Variants in PSD3 observed in about 807,000 individuals in gnomAD.
PSD3 encodes PH and SEC7 domain-containing protein 3.
A neutral mutation model predicts 105.5 loss-of-function variants in PSD3; 49 were observed. The ratio of observed to expected loss-of-function variants is 0.46; its 90% CI spans 0.37 to 0.59. PSD3 has a LOEUF of 0.59. Ranked by LOEUF, PSD3 falls within the 20% of genes least tolerant of loss-of-function variation. The pLI is 0.00. For missense variants in PSD3, 1,561 were observed against 1,263.8 expected, an observed-to-expected ratio of 1.24 and a Z score of -3.57; for synonymous variants, 557 against 457.8, an observed-to-expected ratio of 1.22 and a Z score of -2.77.
chr8:18,628,390 C>CT (rs113009967), intron 11 of PSD3, among the ~76,000 whole-genome samples: 16,510 of 151,812 alleles, frequency 0.11, 1,354 homozygotes, highest in African/African-American at 0.23. Context: ...TGATAGGAGA[C>CT]TTTTTTTGTC....
At chr8:18,885,381 C>T (rs1818389192) in intron 2 of PSD3, among the ~76,000 whole-genome samples, 1 of 152,156 alleles carries the variant, frequency 6.6e-6, no homozygotes. Context: ...CTAAAATTAA[C>T]ACATATATGG....
chr8:18,811,085 AG>A (rs1811642081), intron 4 of PSD3, among the ~76,000 whole-genome samples: 1 of 152,216 alleles, frequency 6.6e-6, no homozygotes, highest in African/African-American at 2.4e-5. Context: ...TATTCAGAAG[AG>A]CCATAGCACC....
intron 12 of PSD3, among the ~76,000 whole-genome samples, chr8:18,584,561 G>T (rs2130439673): frequency 6.6e-6 from 1 of 152,344 alleles, no homozygotes; most frequent in East Asian, 1.9e-4. Flanking sequence ...TCAGATGGAA[G>T]AAGTAACCTA....
chr8:18,846,739 C>A (rs529813267), intron 4 of PSD3, among the ~76,000 whole-genome samples: 1 of 152,292 alleles, frequency 6.6e-6, no homozygotes. Context: ...GCAAAACCGA[C>A]TGGTCTCAAC....
At chr8:18,603,102 T>G (rs1443703232) in intron 11 of PSD3, among the ~76,000 whole-genome samples, 1 of 152,182 alleles carries the variant, frequency 6.6e-6, no homozygotes, top group African/African-American at 2.4e-5. Context: ...GTATCTTCCG[T>G]GAGAAAGTGT....
intron 1 of PSD3, among the ~76,000 whole-genome samples, chr8:19,077,580 CAG>C (rs1563548355): frequency 6.6e-6 from 1 of 152,144 alleles, no homozygotes; most frequent in Admixed American, 6.5e-5. Flanking sequence ...GAAACACTTG[CAG>C]AGAGTTGTCA....
chr8:18,721,900 A>AC (rs1233779080), intron 9 of PSD3, among the ~76,000 whole-genome samples: 1 of 152,184 alleles, frequency 6.6e-6, no homozygotes, highest in Non-Finnish European at 1.5e-5. Flanking sequence ...ATGGCTGCAC[A>AC]CATATTGTTC....
intron 4 of PSD3, among the ~76,000 whole-genome samples, chr8:18,810,926 T>C (rs1811630558): frequency 6.6e-6 from 1 of 152,062 alleles, no homozygotes; most frequent in South Asian, 2.1e-4. Flanking sequence ...AAGTACACCA[T>C]CAGCAAAAAA....
chr8:18,784,300 G>T (rs1019498880), intron 8 of PSD3, among the ~76,000 whole-genome samples: 1 of 151,776 alleles, frequency 6.6e-6, no homozygotes, highest in African/African-American at 2.4e-5. Context: ...TCTGTCCATT[G>T]TTCTTTCACG....
intron 9 of PSD3, among the ~76,000 whole-genome samples, chr8:18,702,682 G>C (rs1005304767): frequency 1.3e-5 from 2 of 151,250 alleles, no homozygotes; most frequent in Non-Finnish European, 2.9e-5. Context: ...GTGTGATCTC[G>C]GTTCCCTGCA....
intron 8 of PSD3, among the ~76,000 whole-genome samples, chr8:18,784,935 G>A (rs1365095918): frequency 6.6e-6 from 1 of 152,172 alleles, no homozygotes; most frequent in Non-Finnish European, 1.5e-5. Context: ...GCTCCCTGGA[G>A]GTGGGGTGTG....
intron 8 of PSD3, among the ~76,000 whole-genome samples, chr8:18,796,819 T>C (rs10503635): frequency 0.72 from 109,949 of 152,118 alleles, 41,166 homozygotes; most frequent in Non-Finnish European, 0.82. Flanking sequence ...GATTAGTGTA[T>C]TCCCCATGAA....
chr8:18,752,603 TATATAATAC>T (rs1475204161), intron 9 of PSD3, among the ~76,000 whole-genome samples: 1,146 of 87,036 alleles, frequency 0.013, 18 homozygotes, highest in Middle Eastern at 0.024. Context: ...TTATATATTA[TATATAATAC>T]ATATAATATA....
At chr8:18,613,750 G>C (rs1805449313) in intron 11 of PSD3, among the ~76,000 whole-genome samples, 2 of 151,992 alleles carry the variant, frequency 1.3e-5, no homozygotes, top group African/African-American at 4.8e-5. Context: ...CCATTCTCAG[G>C]GCTGCCTGCA....
intron 15 of PSD3, among the ~76,000 whole-genome samples, chr8:18,542,593 T>C (rs1220054634): frequency 6.6e-6 from 1 of 152,178 alleles, no homozygotes; most frequent in Non-Finnish European, 1.5e-5. Flanking sequence ...ACACAAAAAT[T>C]AACATAGTTC....
At chr8:18,856,257 G>A (rs1235868709) in intron 4 of PSD3, among the ~76,000 whole-genome samples, 2 of 152,100 alleles carry the variant, frequency 1.3e-5, no homozygotes, top group African/African-American at 4.8e-5. Context: ...CTGGCTCTCT[G>A]GGCTCTGCAC....
chr8:19,078,688 G>C (rs540347100), intron 1 of PSD3, among the ~76,000 whole-genome samples: 1 of 152,084 alleles, frequency 6.6e-6, no homozygotes, highest in East Asian at 1.9e-4. Flanking sequence ...AGTAGACTTA[G>C]TGGGTACCAG....
intron 9 of PSD3, among the ~76,000 whole-genome samples, chr8:18,755,038 T>C (rs1234300105): frequency 1.3e-5 from 2 of 152,140 alleles, no homozygotes; most frequent in Non-Finnish European, 2.9e-5. Flanking sequence ...AGAGGATAGC[T>C]TTTATTCATG....
intron 4 of PSD3, among the ~76,000 whole-genome samples, chr8:18,833,006 G>A (rs113530168): frequency 6.6e-6 from 1 of 152,170 alleles, no homozygotes; most frequent in East Asian, 1.9e-4. Context: ...ATGGCAGTTT[G>A]AGGTTATAAT....
Sources: allele counts gnomAD v4.1 joint callset (sites outside exome capture counted in the v4.1 genomes callset), GRCh38; gene constraint gnomAD v4.1.1; transcripts MANE v1.5; gene names NCBI Gene and HGNC (gene_info 2026-07-23, HGNC 2026-07-21).